The following SUMF1 variants were observed in gnomAD, a reference collection of about 807,000 sequenced individuals.
SUMF1 encodes formylglycine-generating enzyme.
In SUMF1, 48 loss-of-function variants were observed where a neutral mutation model predicts 47.6. The observed-to-expected ratio is 1.01, with a 90% CI of 0.80 to 1.28. The LOEUF (loss-of-function observed/expected upper bound fraction) is 1.28. Ranked by LOEUF, SUMF1 falls within the 50% of genes most tolerant of loss-of-function variation. The pLI is 0.00. For synonymous variants in SUMF1, 230 were observed against 192.1 expected, an observed-to-expected ratio of 1.20 and a Z score of -1.63; for missense variants, 571 against 485.4, an observed-to-expected ratio of 1.18 and a Z score of -1.66.
chr3:4,112,232 C>T (rs1574893987), intron 8 of SUMF1, among the ~76,000 whole-genome samples: 1 of 152,202 alleles, frequency 6.6e-6, no homozygotes, highest in East Asian at 1.9e-4. Context: ...GAAACTAGTA[C>T]ACCAGATACA....
intron 8 of SUMF1, chr3:4,316,881 G>C: frequency 6.5e-7 from 1 of 1,549,316 alleles, no homozygotes. Flanking sequence ...TCAGGAAATC[G>C]ATGAGATGAA....
At chr3:4,351,812 T>G (rs550358702) in intron 8 of SUMF1, among the ~76,000 whole-genome samples, 1 of 152,182 alleles carries the variant, frequency 6.6e-6, no homozygotes, top group Non-Finnish European at 1.5e-5. Flanking sequence ...CCCTTCAAGT[T>G]TGGAGTGGAT....
chr3:4,093,322 C>A (rs975618146), intron 8 of SUMF1, among the ~76,000 whole-genome samples: 2 of 151,918 alleles, frequency 1.3e-5, no homozygotes, highest in Non-Finnish European at 2.9e-5. Context: ...CTCTTAGGCC[C>A]AAGAAATACA....
chr3:4,068,988 A>T (rs573532197), intron 8 of SUMF1, among the ~76,000 whole-genome samples: 11 of 152,308 alleles, frequency 7.2e-5, no homozygotes, highest in African/African-American at 2.2e-4. Flanking sequence ...TATGAAAATA[A>T]CAATAATAAT....
intron 8 of SUMF1, chr3:4,313,674 G>T: frequency 6.2e-7 from 1 of 1,613,958 alleles, no homozygotes; most frequent in Non-Finnish European, 8.5e-7. Context: ...TAGAAAAGTC[G>T]AACATCAGTT....
chr3:4,156,148 C>A (rs1251059585), intron 8 of SUMF1, among the ~76,000 whole-genome samples: 1 of 151,496 alleles, frequency 6.6e-6, no homozygotes, highest in Non-Finnish European at 1.5e-5. Context: ...GTACATCTGA[C>A]TTAAGGGTTC....
chr3:4,316,841 C>T (rs765548354), intron 8 of SUMF1: 19 of 1,550,018 alleles, frequency 1.2e-5, no homozygotes, highest in African/African-American at 6.9e-5. Flanking sequence ...TTCTGAATCC[C>T]GGTGAAACCA....
chr3:4,095,273 A>G (rs1042772006), intron 8 of SUMF1, among the ~76,000 whole-genome samples: 7 of 152,146 alleles, frequency 4.6e-5, no homozygotes, highest in Non-Finnish European at 8.8e-5. Flanking sequence ...ACCATAGGGC[A>G]CCATAAGCAA....
Position 4,111,295 on chromosome 3 carries a change from A to G in SUMF1, c.1015-42550T>C, listed in dbSNP as rs1693300352. Among the ~76,000 whole-genome samples, 3 of 152,126 alleles carry G rather than the reference A, an allele frequency of 2.0e-5. No homozygotes were observed. In the South Asian group the frequency reaches 6.2e-4, roughly 32 times the overall value. ...ATCCATGATTGGTTGAAAAAGGTCC[A>G]CATGGAAGTGGACCTGTGCAATTCA... On this transcript the variant is annotated intron_variant and NMD_transcript_variant, in intron 8 of 12. Coordinates refer to the SUMF1 transcript ENST00000448413.
At chr3:4,173,941 T>C (rs1023098050) in intron 8 of SUMF1, among the ~76,000 whole-genome samples, 1 of 152,094 alleles carries the variant, frequency 6.6e-6, no homozygotes, top group Admixed American at 6.6e-5. Flanking sequence ...GACAGGTTGA[T>C]GGGTGTGGCA....
At chr3:4,306,710 A>G (rs1698204716) in intron 8 of SUMF1, among the ~76,000 whole-genome samples, 1 of 152,258 alleles carries the variant, frequency 6.6e-6, no homozygotes, top group African/African-American at 2.4e-5. Flanking sequence ...ATAAAAGGTC[A>G]AAACAGCTTG....
chr3:4,326,923 C>T (rs1432841618), intron 8 of SUMF1, among the ~76,000 whole-genome samples: 1 of 152,094 alleles, frequency 6.6e-6, no homozygotes, highest in Admixed American at 6.6e-5. Context: ...GGTAAAATAA[C>T]CAGTGTCTCC....
chr3:4,384,938 C>A (rs568957962), intron 7 of SUMF1, among the ~76,000 whole-genome samples: 5 of 150,938 alleles, frequency 3.3e-5, no homozygotes, highest in Non-Finnish European at 4.4e-5. Flanking sequence ...CAGGCTGGAG[C>A]GCAGTGGAGT....
At chr3:4,432,442 A>G (rs1384741115) in intron 3 of SUMF1, among the ~76,000 whole-genome samples, 1 of 152,132 alleles carries the variant, frequency 6.6e-6, no homozygotes, top group Non-Finnish European at 1.5e-5. Context: ...TGTGTTTCAG[A>G]TGAAAACCAA....
chr3:4,342,522 G>C (rs1699293164), intron 8 of SUMF1, among the ~76,000 whole-genome samples: 1 of 152,132 alleles, frequency 6.6e-6, no homozygotes, highest in Non-Finnish European at 1.5e-5. Flanking sequence ...AACAGAGTGA[G>C]ACTCTGTCTC....
chr3:4,268,691 A>T (rs1350337649), intron 8 of SUMF1, among the ~76,000 whole-genome samples: 3 of 151,864 alleles, frequency 2.0e-5, no homozygotes, highest in South Asian at 2.1e-4. Context: ...TAAAAAAAAA[A>T]TCTATCCAGT....
chr3:4,211,640 A>C (rs115876487), intron 8 of SUMF1, among the ~76,000 whole-genome samples: 4,338 of 152,226 alleles, frequency 0.028, 93 homozygotes, highest in African/African-American at 0.051. Context: ...TAAGATCTTC[A>C]ATTCTCCAAA....
rs372445967 is a variant in SUMF1, at chr3:4,192,403, T to C, written c.1015-123658A>G. Among the ~76,000 whole-genome samples the C allele has an allele frequency of 1.0e-3, 153 of 152,208 alleles. 4 individuals are homozygous for C. The South Asian group carries it at 0.031, about 31-fold the overall frequency. On this transcript the variant is annotated intron_variant and NMD_transcript_variant, in intron 8 of 12. Coordinates refer to the SUMF1 transcript ENST00000448413. Reference sequence around the variant, plus strand: ...CTAAGGCAACCTTTAGTTCTAGAAATCCATATGACAATGGTTAATAGTCCT... The same window carrying C: ...CTAAGGCAACCTTTAGTTCTAGAAACCCATATGACAATGGTTAATAGTCCT...
chr3:4,404,857 C>T (rs191056355), intron 7 of SUMF1, among the ~76,000 whole-genome samples: 201 of 152,266 alleles, frequency 1.3e-3, no homozygotes, highest in African/African-American at 4.3e-3. Flanking sequence ...CAGCCCCCAG[C>T]ACATACTAGG....
Sources: allele counts gnomAD v4.1 joint callset (sites outside exome capture counted in the v4.1 genomes callset), GRCh38; gene constraint gnomAD v4.1.1; transcripts MANE v1.5; gene names NCBI Gene and HGNC (gene_info 2026-07-23, HGNC 2026-07-21).